The following ARHGEF26 variants were observed in gnomAD, a reference collection of about 807,000 sequenced individuals.
ARHGEF26 encodes the protein Rho guanine nucleotide exchange factor (GEF) 26.
ARHGEF26 carries 59 observed loss-of-function variants against 89.4 expected under a neutral mutation model. That is an observed-to-expected ratio of 0.66 (90% CI 0.54 to 0.82). The LOEUF is 0.82. Ranked by LOEUF, ARHGEF26 falls within the 40% of genes least tolerant of loss-of-function variation. ARHGEF26 has a pLI of 0.00. For synonymous variants in ARHGEF26, 500 were observed against 428.4 expected (o/e 1.17, Z -2.06); for missense variants, 1,234 against 1,085.6 (o/e 1.14, Z -1.92).
Position 154,256,564 on chromosome 3 carries a change from A to G in ARHGEF26, c.*1091A>G. The G allele has an allele frequency of 1.0e-6, 1 of 998,776 alleles. No individual in the cohort carries two copies. Among genetic ancestry groups the G allele is most frequent in the Non-Finnish European group, 1.2e-6 (1 of 839,080 alleles). 61.9% of individuals were successfully genotyped at this position (998,776 alleles called of 1,614,324 possible). ...CTAATTAATTAAAAAAAAAAAAAAA[A>G]AAAAAAAAAAACCTTCCCAAATGAG... On this transcript the variant is annotated 3_prime_UTR_variant, in exon 15 of 15. Coordinates refer to ENST00000465093, the MANE Select transcript of ARHGEF26 (RefSeq NM_015595.4).
chr3:154,238,960 A>G (rs1041359738), intron 11 of ARHGEF26, among the ~76,000 whole-genome samples: 2 of 152,118 alleles, frequency 1.3e-5, no homozygotes, highest in African/African-American at 2.4e-5. Flanking sequence ...GGGTTGTAAG[A>G]ACTGGTGAGT....
intron 6 of ARHGEF26, among the ~76,000 whole-genome samples, chr3:154,162,114 A>ATGAC (rs1391945642): frequency 1.3e-5 from 2 of 152,192 alleles, no homozygotes; most frequent in African/African-American, 2.4e-5. Flanking sequence ...AAAAGAAACA[A>ATGAC]TGACTGGGGT....
At chr3:154,147,179 C>T (rs1576702181) in intron 4 of ARHGEF26, among the ~76,000 whole-genome samples, 4 of 152,130 alleles carry the variant, frequency 2.6e-5, no homozygotes, top group South Asian at 4.1e-4. Flanking sequence ...CTAAGGTGAG[C>T]GGATCGCCTG....
intron 11 of ARHGEF26, among the ~76,000 whole-genome samples, chr3:154,231,817 G>A (rs748332091): frequency 9.9e-5 from 15 of 151,844 alleles, no homozygotes; most frequent in East Asian, 1.9e-4. Flanking sequence ...CATGTCAGGC[G>A]GCAAGTGAGT....
At chr3:154,211,336 C>G (rs959735453) in intron 9 of ARHGEF26, among the ~76,000 whole-genome samples, 1 of 152,090 alleles carries the variant, frequency 6.6e-6, no homozygotes, top group African/African-American at 2.4e-5. Flanking sequence ...ATAAGTGATT[C>G]CCTTCTGACT....
chr3:154,137,235 T>C (rs1719063166), intron 4 of ARHGEF26, among the ~76,000 whole-genome samples: 1 of 152,146 alleles, frequency 6.6e-6, no homozygotes, highest in African/African-American at 2.4e-5. Context: ...TGAATTATCA[T>C]GGGAGGGGAG....
intron 9 of ARHGEF26, among the ~76,000 whole-genome samples, chr3:154,207,680 CA>C (rs1349271834): frequency 6.6e-6 from 1 of 152,170 alleles, no homozygotes; most frequent in Non-Finnish European, 1.5e-5. Flanking sequence ...TTATTGAAGA[CA>C]GTGTGGTGAT....
In ARHGEF26 at chr3:154,152,854, A is replaced by T; in HGVS notation, c.1409A>T (p.Glu470Val). ...ATACGAATGTTTAAAAATTCTAAAG[A>T]ACTGAGTGATACAATGACTAAAACC... ...ILIRMFKNSK[E>V]LSDTMTKTER... Residue 470 changes from glutamate (E) to valine (V), a missense_variant, in exon 6 of 15, where the codon GAA (glutamate) becomes GTA (valine). Coordinates refer to ENST00000465093, the MANE Select transcript of ARHGEF26 (RefSeq NM_015595.4). 6.3e-7 allele frequency: 1 copy of T among 1,590,630 alleles called. No individual in the cohort carries two copies. Among genetic ancestry groups the T allele is most frequent in the Non-Finnish European group, 8.6e-7 (1 of 1,167,710 alleles).
intron 9 of ARHGEF26, among the ~76,000 whole-genome samples, chr3:154,217,620 T>C (rs541184624): frequency 6.6e-6 from 1 of 152,234 alleles, no homozygotes; most frequent in Admixed American, 6.5e-5. Flanking sequence ...TGCTCTGATT[T>C]GGAAGAAGGG....
chr3:154,200,297 C>T (rs1201239278), intron 9 of ARHGEF26, among the ~76,000 whole-genome samples: 1 of 152,136 alleles, frequency 6.6e-6, no homozygotes, highest in Non-Finnish European at 1.5e-5. Flanking sequence ...GTTTTCTCAG[C>T]ACCATTTATT....
At position 154,255,947 on chromosome 3, in the gene ARHGEF26, C is replaced by G. The variant is rs751729715; in HGVS notation, c.*474C>G. 151 of 985,338 alleles carry G rather than the reference C, an allele frequency of 1.5e-4. No homozygotes were observed. Among genetic ancestry groups the G allele is most frequent in the Non-Finnish European group, 1.7e-4 (144 of 830,364 alleles). The allele number at this position is 985,338 out of a possible 1,614,324, so 61.0% of individuals were successfully genotyped here. A position where few individuals can be genotyped will look rare whatever the true frequency, so the allele number is the denominator to read the frequency against. Reference sequence around the variant, plus strand: ...TGCCTTTTTTTTTCTTTTTTTACATCTGATTTTAATGCTTCGTTAACTTCA... The same window carrying G: ...TGCCTTTTTTTTTCTTTTTTTACATGTGATTTTAATGCTTCGTTAACTTCA... On this transcript the variant is annotated 3_prime_UTR_variant, in exon 15 of 15. Coordinates refer to ENST00000465093, the MANE Select transcript of ARHGEF26 (RefSeq NM_015595.4).
At chr3:154,187,950 C>T (rs1371537972) in intron 7 of ARHGEF26, 113 bp downstream of exon 7, 2 of 1,058,604 alleles carry the variant, frequency 1.9e-6, no homozygotes, top group Admixed American at 6.0e-5. Context: ...TCCTGATAGG[C>T]TATTTCCCAG....
In ARHGEF26 at chr3:154,223,710, C is replaced by T. The variant is rs565917104; in HGVS notation, c.1936-2146C>T. Among the ~76,000 whole-genome samples the T allele has an allele frequency of 9.2e-5, 14 of 152,216 alleles. 1 individual carries two copies. The highest frequency in any genetic ancestry group is 3.4e-4 in the African/African-American group (14 of 41,544). On this transcript the variant is annotated intron_variant, in intron 10 of 14. Transcript: ENST00000465093. ...GGGGAGGAAGAGTGGCAGATGACTG[C>T]TCAATGCATATGGGGTTTCCTTTTG... is the stretch of plus-strand genomic sequence containing the variant.
Position 154,178,562 on chromosome 3 carries a change from T to C in ARHGEF26, c.1488-9123T>C, listed in dbSNP as rs568210658. Among the ~76,000 whole-genome samples, 47 of 152,356 alleles carry C rather than the reference T, an allele frequency of 3.1e-4. 1 individual carries two copies. The highest frequency in any genetic ancestry group is 1.1e-3 in the African/African-American group (46 of 41,580). On this transcript the variant is annotated intron_variant, in intron 6 of 14. Transcript: ENST00000465093. ...TTTTCAAGGTTTATCCATATTGTAA[T>C]GTGTAAGTAAGTACCTTTCATTGCT...
At chr3:154,142,287 C>T (rs1041306166) in intron 4 of ARHGEF26, among the ~76,000 whole-genome samples, 2 of 151,664 alleles carry the variant, frequency 1.3e-5, no homozygotes, top group East Asian at 1.9e-4. Flanking sequence ...AGGCTGGTCT[C>T]GAACTCCTGG....
chr3:154,173,392 C>T (rs543222811), intron 6 of ARHGEF26, among the ~76,000 whole-genome samples: 11 of 152,116 alleles, frequency 7.2e-5, no homozygotes, highest in African/African-American at 2.2e-4. Flanking sequence ...TATGAAGAGA[C>T]AATTGAATGT....
At chr3:154,130,147 A>AT (rs55816788) in intron 4 of ARHGEF26, among the ~76,000 whole-genome samples, 16 of 105,952 alleles carry the variant, frequency 1.5e-4, no homozygotes, top group Non-Finnish European at 1.4e-4. Context: ...TTCCTTGGAA[A>AT]TTTTTTTTTT....
At chr3:154,187,202 T>C (rs1222055343) in intron 6 of ARHGEF26, 6 of 984,432 alleles carry the variant, frequency 6.1e-6, no homozygotes, top group Non-Finnish European at 7.2e-6. Context: ...CTCAGACTTA[T>C]TTTTTAAGCA....
rs1307672062 is a variant in ARHGEF26, at chr3:154,122,411, C to T, written c.419C>T (p.Pro140Leu). ...NGAVTLPAPP[P>L]PPVLRPPRTP... ...GCGGTGACCTTGCCTGCGCCGCCGC[C>T]GCCGCCGGTTCTGCGCCCCCCGCGG... The change falls in exon 2 of 15, where the codon CCG (proline) becomes CTG (leucine). Residue 140 changes from proline to leucine, a missense_variant. Coordinates refer to ENST00000465093, the MANE Select transcript of ARHGEF26 (RefSeq NM_015595.4). 6.2e-7 allele frequency: 1 copy of T among 1,610,384 alleles called. No homozygotes were observed. The highest frequency in any genetic ancestry group is 8.5e-7 in the Non-Finnish European group (1 of 1,178,828).
Sources: allele counts gnomAD v4.1 joint callset (sites outside exome capture counted in the v4.1 genomes callset), GRCh38; gene constraint gnomAD v4.1.1; transcripts MANE v1.5; gene names NCBI Gene and HGNC (gene_info 2026-07-23, HGNC 2026-07-21).